GABRG2: variants seen among roughly 807,000 people sequenced by gnomAD.
The protein encoded by GABRG2 is gamma-aminobutyric acid type A receptor subunit gamma2.
GABRG2 carries 16 observed loss-of-function variants against 56.4 expected under a neutral mutation model. That is an observed-to-expected ratio of 0.28 (90% CI 0.19 to 0.43). The LOEUF is 0.43. Among genes scored for constraint, GABRG2 ranks in the 20% least tolerant of loss-of-function variants. The pLI is 1.00. For missense variants in GABRG2, 327 were observed against 582.7 expected (o/e 0.56, Z 4.52); for synonymous variants, 208 against 205.5 (o/e 1.01, Z -0.10).
At chr5:162,107,936 T>C (rs1009711051) in intron 6 of GABRG2, among the ~76,000 whole-genome samples, 2 of 152,226 alleles carry the variant, frequency 1.3e-5, no homozygotes, top group Admixed American at 1.3e-4. Flanking sequence ...TATTAAGTTA[T>C]GTGCCTGCTG....
intron 2 of GABRG2, chr5:162,094,669 C>G (rs952781084): frequency 6.6e-6 from 1 of 152,614 alleles, no homozygotes; most frequent in South Asian, 2.1e-4. Flanking sequence ...GAGGAATAGC[C>G]TTATCCAGGA....
chr5:162,131,180 G>A (rs1230296095), intron 6 of GABRG2, among the ~76,000 whole-genome samples: 1 of 151,968 alleles, frequency 6.6e-6, no homozygotes, highest in African/African-American at 2.4e-5. Flanking sequence ...AAAGAGGAGT[G>A]TCCCCCACAG....
At chr5:162,095,426 A>T in intron 2 of GABRG2, 69 bp from the exon 3 acceptor site, 1 of 956,988 alleles carries the variant, frequency 1.0e-6, no homozygotes, top group Non-Finnish European at 1.7e-6. Context: ...CTATTCTAGA[A>T]AACAAAGATT....
At chr5:162,094,525 GT>G (rs1440246729) in intron 2 of GABRG2, 2 of 159,280 alleles carry the variant, frequency 1.3e-5, no homozygotes, top group Non-Finnish European at 2.8e-5. Context: ...CCTTCTCACA[GT>G]GGTAGAAAAC....
At chr5:162,153,068 C>T (rs1391546065) in intron 9 of GABRG2, 25 bp from the exon 10 acceptor site, 1 of 1,613,808 alleles carries the variant, frequency 6.2e-7, no homozygotes, top group Non-Finnish European at 8.5e-7. Context: ...TAACTGATCC[C>T]TCTCCTTCCC....
chr5:162,122,319 C>T (rs558437089), intron 6 of GABRG2, among the ~76,000 whole-genome samples: 3 of 151,872 alleles, frequency 2.0e-5, no homozygotes, highest in Admixed American at 1.3e-4. Context: ...GCCTCTGCTG[C>T]GGTGTTGCAC....
intron 6 of GABRG2, among the ~76,000 whole-genome samples, chr5:162,107,348 C>T (rs1761910329): frequency 6.6e-6 from 1 of 152,106 alleles, no homozygotes; most frequent in African/African-American, 2.4e-5. Context: ...TACTCTTACA[C>T]TTTAAGTGCA....
intron 6 of GABRG2, among the ~76,000 whole-genome samples, chr5:162,132,350 A>G (rs1763816905): frequency 6.6e-6 from 1 of 152,036 alleles, no homozygotes; most frequent in African/African-American, 2.4e-5. Flanking sequence ...TTTTCAGGAC[A>G]GACCTGTGGA....
intron 1 of GABRG2, among the ~76,000 whole-genome samples, chr5:162,088,797 A>G (rs1753038693): frequency 1.3e-5 from 2 of 152,142 alleles, no homozygotes; most frequent in South Asian, 4.1e-4. Context: ...TCTGTAAAAC[A>G]GGAATAATTA....
chr5:162,118,552 C>T (rs1187817639), intron 6 of GABRG2, among the ~76,000 whole-genome samples: 1 of 152,088 alleles, frequency 6.6e-6, no homozygotes, highest in African/African-American at 2.4e-5. Flanking sequence ...CTTTAAGTCC[C>T]AGGTAAACTT....
At chr5:162,112,415 T>G (rs2113428358) in intron 6 of GABRG2, among the ~76,000 whole-genome samples, 1 of 152,214 alleles carries the variant, frequency 6.6e-6, no homozygotes, top group African/African-American at 2.4e-5. Flanking sequence ...AGACATTTTT[T>G]TTTTGAAAAT....
At chr5:162,074,300 A>C (rs570688115) in intron 1 of GABRG2, among the ~76,000 whole-genome samples, 1 of 152,136 alleles carries the variant, frequency 6.6e-6, no homozygotes, top group Admixed American at 6.6e-5. Context: ...ATACCATGTA[A>C]ATGCTAAATA....
chr5:162,151,471 T>C (rs1016170047), intron 8 of GABRG2: 3 of 427,332 alleles, frequency 7.0e-6, no homozygotes, highest in East Asian at 4.2e-5. Flanking sequence ...ATTGAACAAC[T>C]CTGGCTTCTT....
chr5:162,116,812 G>T (rs753987212), intron 6 of GABRG2, among the ~76,000 whole-genome samples: 7 of 150,544 alleles, frequency 4.6e-5, no homozygotes, highest in Non-Finnish European at 7.4e-5. Flanking sequence ...ATTTAATTCT[G>T]CAATATGGGA....
intron 4 of GABRG2, 79 bp downstream of exon 4, chr5:162,097,937 A>AG: frequency 8.0e-7 from 1 of 1,249,490 alleles, no homozygotes; most frequent in South Asian, 1.3e-5. Flanking sequence ...AGTCTCTAAA[A>AG]GAAAAAAAAA....
intron 6 of GABRG2, among the ~76,000 whole-genome samples, chr5:162,138,167 A>G (rs984983420): frequency 6.6e-6 from 1 of 152,052 alleles, no homozygotes; most frequent in Non-Finnish European, 1.5e-5. Flanking sequence ...CTTTTTCCAC[A>G]CTAAGATTAT....
At chr5:162,125,131 AT>A (rs2113505698) in intron 6 of GABRG2, among the ~76,000 whole-genome samples, 1 of 151,886 alleles carries the variant, frequency 6.6e-6, no homozygotes, top group South Asian at 2.1e-4. Context: ...TGGGACAAAT[AT>A]GCTATATTCT....
chr5:162,067,756 C>T (rs1258636524), upstream of GABRG2: 1 of 610,728 alleles, frequency 1.6e-6, no homozygotes, highest in African/African-American at 1.9e-5. Context: ...ATTACTCCCC[C>T]AGACTTGGAA....
chr5:162,089,173 G>T lies in GABRG2; in HGVS notation c.108-4655G>T, dbSNP rs374853914. Among the ~76,000 whole-genome samples the T allele has an allele frequency of 2.4e-4, 37 of 152,080 alleles. 1 individual carries two copies. Among genetic ancestry groups the T allele is most frequent in the Admixed American group, 2.4e-3 (37 of 15,230 alleles). On this transcript the variant is annotated intron_variant, in intron 1 of 9. Transcript: ENST00000639213. Reference sequence around the variant, plus strand: ...AGATTGAGGAGTGGAGCAGAGGAAAGGTTGAAGGCAGAAAGGACAGTTACA... The same window carrying T: ...AGATTGAGGAGTGGAGCAGAGGAAATGTTGAAGGCAGAAAGGACAGTTACA...
Sources: allele counts gnomAD v4.1 joint callset (sites outside exome capture counted in the v4.1 genomes callset), GRCh38; gene constraint gnomAD v4.1.1; transcripts MANE v1.5; gene names NCBI Gene and HGNC (gene_info 2026-07-23, HGNC 2026-07-21).